The following SHISA9 variants were observed in gnomAD, a reference collection of about 807,000 sequenced individuals.
The protein encoded by SHISA9 is protein shisa-9.
SHISA9 carries 13 observed loss-of-function variants against 38.0 expected under a neutral mutation model. The observed-to-expected ratio is 0.34, with a 90% CI of 0.22 to 0.54. The LOEUF is 0.54. Ranked by LOEUF, SHISA9 falls within the 20% of genes least tolerant of loss-of-function variation. The pLI is 0.91. For missense variants in SHISA9, 538 were observed against 575.8 expected, an observed-to-expected ratio of 0.93 and a Z score of 0.67; for synonymous variants, 275 against 242.0, an observed-to-expected ratio of 1.14 and a Z score of -1.27.
the SHISA9 span, among the ~76,000 whole-genome samples, chr16:13,501,150 A>G: frequency 6.6e-6 from 1 of 152,206 alleles, no homozygotes; most frequent in Non-Finnish European, 1.5e-5. Context: ...CTCCCAGGAA[A>G]CATTTGGGAA....
In SHISA9 at chr16:13,237,678, A is replaced by G. The variant is rs981973415; in HGVS notation, c.*2269A>G. 1 of 151,806 alleles carries G rather than the reference A, an allele frequency of 6.6e-6. No homozygotes were observed. Among genetic ancestry groups the G allele is most frequent in the African/African-American group, 2.4e-5 (1 of 41,356 alleles). 9.4% of individuals were successfully genotyped at this position (151,806 alleles called of 1,614,324 possible). ...TCAAAAAAAAAAAAAAAAAGAAAAA[A>G]AAAGAGATCTTTCAAAGAACGCATA... On this transcript the variant is annotated 3_prime_UTR_variant, in exon 5 of 5. Coordinates refer to ENST00000558583, the MANE Select transcript of SHISA9 (RefSeq NM_001145204.3).
At chr16:13,026,450 A>C (rs938726634) in intron 2 of SHISA9, among the ~76,000 whole-genome samples, 23 of 152,204 alleles carry the variant, frequency 1.5e-4, no homozygotes, top group Admixed American at 7.2e-4. Context: ...GACTACATCT[A>C]CTACAGTTTC....
chr16:13,412,827 G>A, the SHISA9 span, among the ~76,000 whole-genome samples: 1 of 152,058 alleles, frequency 6.6e-6, no homozygotes, highest in African/African-American at 2.4e-5. Context: ...ACTGTACTCA[G>A]TCCGGGCGAC....
chr16:13,187,141 C>A (rs1038524902), intron 2 of SHISA9, among the ~76,000 whole-genome samples: 1 of 152,080 alleles, frequency 6.6e-6, no homozygotes, highest in African/African-American at 2.4e-5. Context: ...TGTGCCCTAG[C>A]AGACTCTGGA....
the SHISA9 span, among the ~76,000 whole-genome samples, chr16:13,374,253 G>C: frequency 6.6e-6 from 1 of 151,582 alleles, no homozygotes; most frequent in South Asian, 2.1e-4. Context: ...TGCCATGTTG[G>C]TGTGCTGCAC....
the SHISA9 span, among the ~76,000 whole-genome samples, chr16:13,525,217 G>T: frequency 6.6e-6 from 1 of 152,138 alleles, no homozygotes; most frequent in East Asian, 1.9e-4. Flanking sequence ...GAGAACCACT[G>T]AGCTAATCCA....
At chr16:13,113,865 C>T (rs775967093) in intron 2 of SHISA9, among the ~76,000 whole-genome samples, 1 of 152,194 alleles carries the variant, frequency 6.6e-6, no homozygotes, top group Admixed American at 6.5e-5. Flanking sequence ...ACCTGATTCC[C>T]AGTCAATGGA....
chr16:13,097,359 C>G (rs1596646216), intron 2 of SHISA9, among the ~76,000 whole-genome samples: 1 of 151,972 alleles, frequency 6.6e-6, no homozygotes, highest in Non-Finnish European at 1.5e-5. Context: ...ACAGCAGGCA[C>G]TTTATGGGAT....
At chr16:13,056,172 G>T (rs887190481) in intron 2 of SHISA9, among the ~76,000 whole-genome samples, 13 of 152,166 alleles carry the variant, frequency 8.5e-5, no homozygotes, top group African/African-American at 3.1e-4. Context: ...CGCTTAAATG[G>T]GCTCAACTCT....
At chr16:13,511,839 G>A in the SHISA9 span, among the ~76,000 whole-genome samples, 1 of 152,144 alleles carries the variant, frequency 6.6e-6, no homozygotes, top group Non-Finnish European at 1.5e-5. Flanking sequence ...TCAAGTCCTA[G>A]ACTGAATACT....
chr16:13,306,473 T>G, the SHISA9 span, among the ~76,000 whole-genome samples: 195 of 152,310 alleles, frequency 1.3e-3, no homozygotes, highest in African/African-American at 4.1e-3. Context: ...GACAGAGAGA[T>G]AATGATATTA....
chr16:13,378,613 T>A, the SHISA9 span, among the ~76,000 whole-genome samples: 2 of 152,210 alleles, frequency 1.3e-5, no homozygotes, highest in Admixed American at 1.3e-4. Flanking sequence ...GCACCTGTCA[T>A]AATATATGAG....
chr16:13,458,979 T>G, the SHISA9 span, among the ~76,000 whole-genome samples: 3 of 151,894 alleles, frequency 2.0e-5, no homozygotes, highest in East Asian at 5.8e-4. Context: ...GAGATTCTCC[T>G]GCCTCGGCCT....
rs539150932 is a variant in SHISA9, at chr16:13,040,841, T to G, written c.691+124026T>G. On this transcript the variant is annotated intron_variant, in intron 2 of 4. Transcript: ENST00000558583. The stretch of plus-strand genomic sequence containing the variant: ...GTTTGTAGAGAGTTCTAAGAAAACA[T>G]TGTTTGTTTTAAGTTGCCCTGTTGA... Among the ~76,000 whole-genome samples the G allele has an allele frequency of 7.9e-5, 12 of 152,212 alleles. No homozygotes were observed. In the South Asian group the frequency reaches 1.0e-3, roughly 13 times the overall value.
intron 4 of SHISA9, among the ~76,000 whole-genome samples, chr16:13,223,415 A>C (rs1475935571): frequency 6.6e-6 from 1 of 152,152 alleles, no homozygotes; most frequent in Non-Finnish European, 1.5e-5. Flanking sequence ...TGGGTGACAG[A>C]GTGAGATGTG....
chr16:13,541,901 T>C, the SHISA9 span, among the ~76,000 whole-genome samples: 1 of 152,232 alleles, frequency 6.6e-6, no homozygotes, highest in Non-Finnish European at 1.5e-5. Context: ...CTGGGTCGAA[T>C]GCTGCCCCTC....
intron 2 of SHISA9, among the ~76,000 whole-genome samples, chr16:13,117,558 G>T (rs1296601322): frequency 4.6e-5 from 7 of 152,116 alleles, no homozygotes; most frequent in Admixed American, 3.3e-4. Flanking sequence ...GCTAGCAATT[G>T]TTCTAGAACA....
At chr16:13,004,564 G>T (rs1172556237) in intron 2 of SHISA9, among the ~76,000 whole-genome samples, 6 of 152,258 alleles carry the variant, frequency 3.9e-5, no homozygotes, top group African/African-American at 1.4e-4. Context: ...AGAGTGGACT[G>T]ATGAATTCAT....
At chr16:13,392,500 T>C in the SHISA9 span, among the ~76,000 whole-genome samples, 7 of 152,144 alleles carry the variant, frequency 4.6e-5, no homozygotes, top group African/African-American at 1.2e-4. Flanking sequence ...CTGAATTCAG[T>C]TGGGGCTCCA....
Sources: allele counts gnomAD v4.1 joint callset (sites outside exome capture counted in the v4.1 genomes callset), GRCh38; gene constraint gnomAD v4.1.1; transcripts MANE v1.5; gene names NCBI Gene and HGNC (gene_info 2026-07-23, HGNC 2026-07-21).